The following NTRK3 variants were observed in gnomAD, a reference collection of about 807,000 sequenced individuals.
The protein encoded by NTRK3 is neurotrophic receptor tyrosine kinase 3, also known as NT-3 growth factor receptor.
A neutral mutation model predicts 91.7 loss-of-function variants in NTRK3; 24 were observed. The ratio of observed to expected loss-of-function variants is 0.26; its 90% CI spans 0.19 to 0.37. The LOEUF (loss-of-function observed/expected upper bound fraction) is 0.37. NTRK3 is among the 10% of genes least tolerant of loss of function. The probability of loss-of-function intolerance (pLI) is 1.00; values close to 1 mark genes in which losing one functional copy is unlikely to be tolerated. For synonymous variants in NTRK3, 483 were observed against 404.0 expected (o/e 1.20, Z -2.34); for missense variants, 880 against 1,068.9 (o/e 0.82, Z 2.46).
At chr15:87,881,318 A>G (rs1194397440) in intron 17 of NTRK3, among the ~76,000 whole-genome samples, 1 of 152,230 alleles carries the variant, frequency 6.6e-6, no homozygotes, top group African/African-American at 2.4e-5. Context: ...CATGGAACTC[A>G]TTGTTAAAAA....
intron 14 of NTRK3, among the ~76,000 whole-genome samples, chr15:87,974,117 T>C (rs1431176296): frequency 6.6e-6 from 1 of 152,178 alleles, no homozygotes; most frequent in East Asian, 1.9e-4. Context: ...TGCCTGGTCT[T>C]GACCTGAGGG....
intron 13 of NTRK3, among the ~76,000 whole-genome samples, chr15:88,062,150 T>C (rs768468028): frequency 2.0e-5 from 3 of 152,202 alleles, no homozygotes; most frequent in Non-Finnish European, 2.9e-5. Flanking sequence ...GCAAATACTG[T>C]ACCATTTTAC....
At chr15:88,057,300 C>A (rs2045801521) in intron 13 of NTRK3, among the ~76,000 whole-genome samples, 1 of 151,516 alleles carries the variant, frequency 6.6e-6, no homozygotes, top group Non-Finnish European at 1.5e-5. Context: ...AGTTTGAGAC[C>A]AGCCTGGCCA....
rs200160591 is a variant in NTRK3 at position 87,880,445 on chromosome 15, T to C, written c.2134-17A>G. On this transcript the variant is annotated splice_polypyrimidine_tract_variant and intron_variant, in intron 17 of 18. Transcript: ENST00000394480. ...TCCTCCCACCTAAAAGGGGTTGAGA[T>C]AGAGGCACACAGAGTGACCAGATGG... 11 of 1,613,632 alleles carry C rather than the reference T, an allele frequency of 6.8e-6. No homozygotes were observed. In the Admixed American group the frequency reaches 1.3e-4, roughly 20 times the overall value.
intron 18 of NTRK3, among the ~76,000 whole-genome samples, chr15:87,877,512 A>G (rs1596049124): frequency 6.6e-6 from 1 of 151,898 alleles, no homozygotes; most frequent in South Asian, 2.1e-4. Context: ...TCCCCCTTTC[A>G]TGAGCCTGCC....
chr15:88,007,691 C>A (rs1291860067), intron 14 of NTRK3, among the ~76,000 whole-genome samples: 2 of 152,194 alleles, frequency 1.3e-5, no homozygotes, highest in Non-Finnish European at 2.9e-5. Context: ...TGAAATTCTA[C>A]CACCAGAGAT....
intron 10 of NTRK3, among the ~76,000 whole-genome samples, chr15:88,134,433 C>T (rs1488466207): frequency 6.6e-6 from 1 of 152,220 alleles, no homozygotes; most frequent in Non-Finnish European, 1.5e-5. Context: ...GTCCACTTGA[C>T]ATTAGCACTA....
At position 88,132,204 on chromosome 15, in the gene NTRK3, A is replaced by G. The variant is rs67931214; in HGVS notation, c.1204+2897T>C. On this transcript the variant is annotated intron_variant, in intron 10 of 18. Transcript: ENST00000394480. ...TTATCTGTTAGAACTTACTAGGTTG[A>G]CCAGAAAATGACTACTGGTTCTAGA... 612 of 176,434 alleles carry G rather than the reference A, an allele frequency of 3.5e-3. 2 individuals carry two copies. Among genetic ancestry groups the G allele is most frequent in the Middle Eastern group, 9.0e-3 (4 of 442 alleles). The allele number at this position is 176,434 out of a possible 1,614,324, so 10.9% of individuals were successfully genotyped here.
At chr15:87,968,043 A>C (rs527912610) in intron 14 of NTRK3, among the ~76,000 whole-genome samples, 1 of 152,270 alleles carries the variant, frequency 6.6e-6, no homozygotes, top group African/African-American at 2.4e-5. Context: ...CAGGAGATTC[A>C]TGTGTCAAAA....
chr15:88,178,890 C>T (rs544904176), intron 5 of NTRK3, among the ~76,000 whole-genome samples: 1 of 152,134 alleles, frequency 6.6e-6, no homozygotes, highest in Non-Finnish European at 1.5e-5. Flanking sequence ...TTTAAAGATG[C>T]CCACCTCTCC....
chr15:88,251,031 G>C (rs1567720136), intron 3 of NTRK3, among the ~76,000 whole-genome samples: 1 of 152,190 alleles, frequency 6.6e-6, no homozygotes, highest in African/African-American at 2.4e-5. Flanking sequence ...GGGGAGTCAC[G>C]AAGCTGGGTG....
intron 14 of NTRK3, among the ~76,000 whole-genome samples, chr15:88,009,481 A>G (rs1406966157): frequency 6.6e-6 from 1 of 152,212 alleles, no homozygotes; most frequent in African/African-American, 2.4e-5. Context: ...ATGCAAGCCA[A>G]TTTTGACAGA....
intron 13 of NTRK3, among the ~76,000 whole-genome samples, chr15:88,051,753 T>A (rs570758460): frequency 2.0e-5 from 3 of 152,348 alleles, no homozygotes; most frequent in Admixed American, 6.5e-5. Context: ...AAACAGTGGT[T>A]AGCTAACTCA....
intron 13 of NTRK3, among the ~76,000 whole-genome samples, chr15:88,108,310 C>T (rs2050932616): frequency 6.6e-6 from 1 of 152,236 alleles, no homozygotes; most frequent in Non-Finnish European, 1.5e-5. Context: ...GTCACTGTCA[C>T]TACCTGCCCG....
At chr15:88,070,025 C>T (rs868422628) in intron 13 of NTRK3, among the ~76,000 whole-genome samples, 1 of 152,194 alleles carries the variant, frequency 6.6e-6, no homozygotes, top group South Asian at 2.1e-4. Context: ...GCCCCAAATC[C>T]ATCTCACAGC....
intron 4 of NTRK3, 80 bp downstream of exon 4, chr15:88,184,145 T>A: frequency 7.1e-7 from 1 of 1,411,314 alleles, no homozygotes; most frequent in South Asian, 1.2e-5. Flanking sequence ...GCTGTGCCCC[T>A]CACGCCACCC....
At chr15:88,054,529 A>C (rs139472937) in intron 13 of NTRK3, among the ~76,000 whole-genome samples, 43 of 152,340 alleles carry the variant, frequency 2.8e-4, no homozygotes, top group Middle Eastern at 6.8e-3. Flanking sequence ...TGAGCAACTC[A>C]ACAGGCATCC....
intron 14 of NTRK3, among the ~76,000 whole-genome samples, chr15:87,952,096 C>A (rs114380950): frequency 1.3e-5 from 2 of 150,872 alleles, no homozygotes; most frequent in Non-Finnish European, 2.9e-5. Flanking sequence ...CACCGCACTC[C>A]AGGCTGGGCA....
intron 8 of NTRK3, 97 bp from the exon 9 acceptor site, chr15:88,136,137 TG>T: frequency 1.4e-6 from 2 of 1,480,310 alleles, no homozygotes; most frequent in Non-Finnish European, 1.9e-6. Context: ...AAAGGAAAGC[TG>T]AGCGGAAGGC....
Sources: gnomAD v4.1 joint callset for allele counts (sites outside exome capture counted in the v4.1 genomes callset) on GRCh38, gnomAD v4.1.1 for gene constraint, MANE v1.5 for transcripts, NCBI Gene and HGNC (gene_info 2026-07-23, HGNC 2026-07-21) for gene names.